The following METTL15 variants were observed in gnomAD, a reference collection of about 807,000 sequenced individuals.
METTL15 encodes the protein 12S rRNA N(4)-cytidine methyltransferase METTL15.
METTL15 carries 34 observed loss-of-function variants against 38.3 expected under a neutral mutation model. The observed-to-expected ratio is 0.89, with a 90% CI of 0.68 to 1.18. The LOEUF is 1.18. Ranked by LOEUF, METTL15 falls within the 50% of genes most tolerant of loss-of-function variation. The pLI, the probability that METTL15 is intolerant of heterozygous loss-of-function variation, is 0.00. For synonymous variants in METTL15, 162 were observed against 170.9 expected (o/e 0.95, Z 0.41); for missense variants, 438 against 498.4 (o/e 0.88, Z 1.15).
In METTL15 at chr11:28,333,060, G is replaced by A. The variant is rs1234820787; in HGVS notation, c.*2219G>A. On this transcript the variant is annotated 3_prime_UTR_variant, in exon 7 of 7. Transcript: ENST00000407364. ...CCTCAGAAGATAGGAAAAAAGCATG[G>A]AATAGATTCTCCCTCAGAGTTCCAG... 6.6e-6 allele frequency: 1 copy of A among 150,846 alleles called. No homozygotes were observed. Among genetic ancestry groups the A allele is most frequent in the Non-Finnish European group, 1.5e-5 (1 of 67,894 alleles). The allele number at this position is 150,846 out of a possible 1,614,324, so 9.3% of individuals were successfully genotyped here.
intron 3 of METTL15, among the ~76,000 whole-genome samples, chr11:28,143,114 AT>A (rs899108504): frequency 3.3e-5 from 5 of 151,986 alleles, no homozygotes; most frequent in Admixed American, 2.0e-4. Flanking sequence ...TTTTTCCTTA[AT>A]AGAAGATCAC....
intron 3 of METTL15, among the ~76,000 whole-genome samples, chr11:28,190,551 G>A (rs1376819793): frequency 1.3e-5 from 2 of 151,024 alleles, no homozygotes; most frequent in East Asian, 1.9e-4. Flanking sequence ...AGAGATTGTC[G>A]TTTTGAAACT....
intron 6 of METTL15, among the ~76,000 whole-genome samples, chr11:28,482,906 C>T (rs1052997089): frequency 2.0e-5 from 3 of 152,086 alleles, no homozygotes; most frequent in African/African-American, 7.2e-5. Flanking sequence ...GCCATCTCAG[C>T]CCCAACTTCA....
chr11:28,381,624 T>C (rs1279498657), intron 5 of METTL15, among the ~76,000 whole-genome samples: 1 of 152,158 alleles, frequency 6.6e-6, no homozygotes, highest in Non-Finnish European at 1.5e-5. Context: ...TTTCCTCTGC[T>C]AGATTCTTTC....
At chr11:28,360,611 A>G (rs1276137482) in intron 4 of METTL15, among the ~76,000 whole-genome samples, 1 of 152,148 alleles carries the variant, frequency 6.6e-6, no homozygotes, top group Non-Finnish European at 1.5e-5. Flanking sequence ...TCTAGAATCT[A>G]GGAAGCCTGA....
At chr11:28,307,416 T>C (rs1857120562) in intron 6 of METTL15, among the ~76,000 whole-genome samples, 2 of 151,980 alleles carry the variant, frequency 1.3e-5, no homozygotes, top group African/African-American at 4.8e-5. Context: ...GGCCATTTTG[T>C]TCATAGTTTT....
intron 6 of METTL15, among the ~76,000 whole-genome samples, chr11:28,436,048 C>T (rs1444489669): frequency 6.6e-6 from 1 of 152,172 alleles, no homozygotes; most frequent in Non-Finnish European, 1.5e-5. Context: ...CAAATACAGT[C>T]AATAAGAGCC....
downstream of METTL15, among the ~76,000 whole-genome samples, chr11:28,336,874 C>T (rs1849905567): frequency 6.6e-6 from 1 of 151,962 alleles, no homozygotes; most frequent in Non-Finnish European, 1.5e-5. Flanking sequence ...TACTGTTAAC[C>T]TCAGGCAGGT....
rs76652885 is a variant in METTL15 at position 28,314,278 on chromosome 11, G to A, written c.779-16118G>A. On this transcript the variant is annotated intron_variant, in intron 6 of 6. Coordinates refer to ENST00000407364, the MANE Select transcript of METTL15 (RefSeq NM_001113528.2). ...TTTTTTGAAGAACATTTGTAATACA[G>A]TTGAGAAGTGTTCTATTGCAGGTAA... 2.4e-3 allele frequency among the ~76,000 whole-genome samples: 371 copies of A among 152,300 alleles called. 4 individuals carry two copies. Among genetic ancestry groups the A allele is most frequent in the African/African-American group, 8.0e-3 (331 of 41,574 alleles).
chr11:28,449,792 A>C (rs74831403), intron 6 of METTL15, among the ~76,000 whole-genome samples: 1 of 152,174 alleles, frequency 6.6e-6, no homozygotes, highest in Non-Finnish European at 1.5e-5. Context: ...TAGAGGGGCA[A>C]TGCGGAAAGA....
intron 5 of METTL15, among the ~76,000 whole-genome samples, chr11:28,380,502 T>G (rs1850371228): frequency 1.3e-5 from 2 of 152,214 alleles, no homozygotes; most frequent in South Asian, 4.1e-4. Context: ...AATAATTTAT[T>G]ACTGCTATTT....
chr11:28,307,556 A>C (rs565305927), intron 6 of METTL15, among the ~76,000 whole-genome samples: 1 of 152,078 alleles, frequency 6.6e-6, no homozygotes, highest in African/African-American at 2.4e-5. Context: ...AAATGTAATA[A>C]TTGTCTTTGC....
intron 3 of METTL15, among the ~76,000 whole-genome samples, chr11:28,130,139 C>T (rs769361106): frequency 1.3e-5 from 2 of 151,960 alleles, no homozygotes; most frequent in East Asian, 1.9e-4. Flanking sequence ...GTGAGACCCC[C>T]ATCTCTACAA....
intron 4 of METTL15, among the ~76,000 whole-genome samples, chr11:28,235,414 G>A (rs1424793471): frequency 1.3e-5 from 2 of 151,734 alleles, no homozygotes; most frequent in Admixed American, 6.6e-5. Context: ...CCATTTTCAC[G>A]ATATTGATTC....
At chr11:28,320,218 G>C (rs562843070) in intron 6 of METTL15, among the ~76,000 whole-genome samples, 1 of 143,706 alleles carries the variant, frequency 7.0e-6, no homozygotes, top group Admixed American at 7.0e-5. Flanking sequence ...TGAAAACAAA[G>C]GGGGTGGTTT....
intron 4 of METTL15, among the ~76,000 whole-genome samples, chr11:28,224,617 C>A (rs1853395577): frequency 1.3e-5 from 2 of 151,726 alleles, no homozygotes. Flanking sequence ...ATTCCTCTTT[C>A]ATTAGATTGT....
chr11:28,431,409 G>A (rs1237166069), intron 6 of METTL15, among the ~76,000 whole-genome samples: 1 of 96,710 alleles, frequency 1.0e-5, no homozygotes, highest in African/African-American at 3.5e-5. Flanking sequence ...GTAGACACGG[G>A]AGACTTTTCA....
intron 5 of METTL15, among the ~76,000 whole-genome samples, chr11:28,400,778 C>T (rs561080804): frequency 2.0e-5 from 3 of 152,006 alleles, no homozygotes; most frequent in South Asian, 4.1e-4. Flanking sequence ...TTAGATGGGT[C>T]TCATAATGCT....
chr11:28,366,695 G>T (rs1293372527), intron 5 of METTL15, among the ~76,000 whole-genome samples: 1 of 152,124 alleles, frequency 6.6e-6, no homozygotes, highest in Non-Finnish European at 1.5e-5. Context: ...ATCATTTGAG[G>T]CTATATAAAA....
Sources: gnomAD v4.1 joint callset for allele counts (sites outside exome capture counted in the v4.1 genomes callset) on GRCh38, gnomAD v4.1.1 for gene constraint, MANE v1.5 for transcripts, NCBI Gene and HGNC (gene_info 2026-07-23, HGNC 2026-07-21) for gene names.